The following NFATC1 variants were observed in gnomAD, a reference collection of about 807,000 sequenced individuals.
The protein encoded by NFATC1 is nuclear factor of activated T-cells, cytoplasmic 1.
A neutral mutation model predicts 76.0 loss-of-function variants in NFATC1; 22 were observed. The ratio of observed to expected loss-of-function variants is 0.29; its 90% CI spans 0.21 to 0.41. The LOEUF (loss-of-function observed/expected upper bound fraction) is 0.41. Ranked by LOEUF, NFATC1 falls within the 10% of genes least tolerant of loss-of-function variation. NFATC1 has a pLI of 1.00. For missense variants in NFATC1, 1,357 were observed against 1,337.7 expected, an observed-to-expected ratio of 1.01 and a Z score of -0.23; for synonymous variants, 704 against 613.1, an observed-to-expected ratio of 1.15 and a Z score of -2.19.
chr18:79,402,710 A>G (rs1600586259), intron 1 of NFATC1, among the ~76,000 whole-genome samples: 1 of 152,292 alleles, frequency 6.6e-6, no homozygotes, highest in East Asian at 1.9e-4. Context: ...TATGTATCTC[A>G]TATGTTACGT....
At chr18:79,490,197 G>C (rs112411064) in intron 9 of NFATC1, among the ~76,000 whole-genome samples, 10,406 of 152,270 alleles carry the variant, frequency 0.068, 502 homozygotes, top group Admixed American at 0.1. Flanking sequence ...GTGTGAAGGG[G>C]AGGGGAGAGT....
At chr18:79,493,770 G>C (rs1347099502) in intron 9 of NFATC1, 1 of 152,258 alleles carries the variant, frequency 6.6e-6, no homozygotes, top group Non-Finnish European at 1.5e-5. Context: ...GCAGACGGCG[G>C]CTACCGCGTG....
intron 9 of NFATC1, among the ~76,000 whole-genome samples, chr18:79,526,338 G>C (rs1023427851): frequency 6.6e-6 from 1 of 152,268 alleles, no homozygotes; most frequent in Non-Finnish European, 1.5e-5. Context: ...CTGGCTCTGC[G>C]TCCTGTGGCT....
rs1286939119 is a variant in NFATC1 at position 79,503,067 on chromosome 18, A to G, written c.2782+16130A>G. On this transcript the variant is annotated intron_variant, in intron 9 of 9. Transcript: ENST00000427363. ...TAGCCAAACATCTGAAACAACCACA[A>G]TGCCCAGCATGTGGGGAAGAGAGAG... Among the ~76,000 whole-genome samples, 3 of 152,198 alleles carry G rather than the reference A, an allele frequency of 2.0e-5. 1 individual carries two copies. Among genetic ancestry groups the G allele is most frequent in the South Asian group, 4.1e-4 (2 of 4,830 alleles).
chr18:79,457,576 A>G (rs2087804586), intron 6 of NFATC1, among the ~76,000 whole-genome samples: 1 of 152,180 alleles, frequency 6.6e-6, no homozygotes, highest in South Asian at 2.1e-4. Context: ...AATATGATCT[A>G]TACACCATTT....
chr18:79,403,643 G>C (rs2085339613), intron 1 of NFATC1, among the ~76,000 whole-genome samples: 1 of 152,282 alleles, frequency 6.6e-6, no homozygotes, highest in Non-Finnish European at 1.5e-5. Context: ...AGCCTCTCTG[G>C]CAGTCGGGGC....
At chr18:79,451,209 G>A (rs1483831013) in intron 5 of NFATC1, 83 bp downstream of exon 5, 45 of 1,490,516 alleles carry the variant, frequency 3.0e-5, no homozygotes, top group Middle Eastern at 2.4e-4. Flanking sequence ...TCAGCTTTTC[G>A]TTCGTGTAGA....
intron 2 of NFATC1, among the ~76,000 whole-genome samples, chr18:79,427,397 G>A (rs554930237): frequency 7.8e-6 from 1 of 127,822 alleles, no homozygotes; most frequent in South Asian, 2.3e-4. Flanking sequence ...GTGGGTTGGG[G>A]GGAGCTGGAT....
chr18:79,498,665 C>G (rs1490556235), intron 9 of NFATC1, among the ~76,000 whole-genome samples: 1 of 152,178 alleles, frequency 6.6e-6, no homozygotes, highest in Non-Finnish European at 1.5e-5. Flanking sequence ...TTCAGTGCAT[C>G]CAAATGGTTC....
chr18:79,463,070 G>T (rs2088207802), intron 7 of NFATC1, among the ~76,000 whole-genome samples: 1 of 152,214 alleles, frequency 6.6e-6, no homozygotes, highest in Non-Finnish European at 1.5e-5. Flanking sequence ...TGCGACTTCA[G>T]CGCCCTTCCC....
chr18:79,507,453 G>A (rs1440616954), intron 9 of NFATC1, among the ~76,000 whole-genome samples: 2 of 152,236 alleles, frequency 1.3e-5, no homozygotes, highest in East Asian at 1.9e-4. Flanking sequence ...GGTGTGCAGC[G>A]CTGGCTGGCG....
intron 6 of NFATC1, among the ~76,000 whole-genome samples, chr18:79,456,526 C>T (rs2087735056): frequency 6.6e-6 from 1 of 152,260 alleles, no homozygotes; most frequent in Non-Finnish European, 1.5e-5. Context: ...CTGCCCCTCT[C>T]CTCCTCCAGC....
intron 2 of NFATC1, among the ~76,000 whole-genome samples, chr18:79,431,505 C>T (rs2086587337): frequency 6.6e-6 from 1 of 152,086 alleles, no homozygotes; most frequent in African/African-American, 2.4e-5. Flanking sequence ...CCCCACTCAG[C>T]CTCCTGTGTG....
chr18:79,428,464 C>T lies in NFATC1; in HGVS notation c.1227-5115C>T, dbSNP rs1269855955. On this transcript the variant is annotated intron_variant, in intron 2 of 9. Transcript: ENST00000427363. ...CCTTTGTGGTGCCTCCAGGGAGCCT[C>T]ACGATGCTCACGCCTCTGACCAGTG... Among the ~76,000 whole-genome samples the T allele has an allele frequency of 2.6e-5, 4 of 152,164 alleles. No homozygotes were observed. The East Asian group carries it at 7.7e-4, about 29-fold the overall frequency.
intron 6 of NFATC1, among the ~76,000 whole-genome samples, chr18:79,454,883 C>T (rs1318380727): frequency 6.6e-6 from 1 of 152,136 alleles, no homozygotes; most frequent in Non-Finnish European, 1.5e-5. Context: ...CACCCCTCCC[C>T]ACCTTCACAC....
At chr18:79,474,020 A>G in intron 8 of NFATC1, among the ~76,000 whole-genome samples, 2 of 133,826 alleles carry the variant, frequency 1.5e-5, no homozygotes, top group Non-Finnish European at 3.1e-5. Context: ...TGTCGACGTA[A>G]ACCTGAGGGA....
intron 9 of NFATC1, among the ~76,000 whole-genome samples, chr18:79,502,618 C>T (rs1395096449): frequency 1.3e-5 from 2 of 152,296 alleles, no homozygotes; most frequent in Admixed American, 6.5e-5. Flanking sequence ...AGAACACTTA[C>T]AGCTCAATAA....
chr18:79,411,376 G>A lies in NFATC1; in HGVS notation c.1101G>A (p.Ala367=), dbSNP rs149101267. The change falls in exon 2 of 10, where the codon GCG becomes GCA. Residue 367 remains alanine (A), a synonymous_variant. Transcript: ENST00000427363. ...GCCCCCCGCCCCCGGCCGACTTCGC[G>A]CCCGAAGACTACTCCTCTTTCCAGC... The part of the protein sequence containing the change: ...LGSPPPPADF[A]PEDYSSFQHI... 158 of 1,584,604 alleles carry A rather than the reference G, an allele frequency of 1.0e-4. No homozygotes were observed. In the African/African-American group the frequency reaches 1.4e-3, roughly 14 times the overall value.
intron 3 of NFATC1, among the ~76,000 whole-genome samples, chr18:79,435,025 C>G (rs1224182284): frequency 6.6e-6 from 1 of 152,218 alleles, no homozygotes; most frequent in Admixed American, 6.5e-5. Context: ...CTGCACCACG[C>G]TCCGTCACTG....
Sources: gnomAD v4.1 joint callset for allele counts (sites outside exome capture counted in the v4.1 genomes callset) on GRCh38, gnomAD v4.1.1 for gene constraint, MANE v1.5 for transcripts, NCBI Gene and HGNC (gene_info 2026-07-23, HGNC 2026-07-21) for gene names.